The following KIAA0513 variants were observed in gnomAD, a reference collection of about 807,000 sequenced individuals.
The protein encoded by KIAA0513 is uncharacterized protein KIAA0513.
A neutral mutation model predicts 56.5 loss-of-function variants in KIAA0513; 39 were observed. The observed-to-expected ratio is 0.69, with a 90% CI of 0.53 to 0.90. KIAA0513 has a LOEUF of 0.90. Ranked by LOEUF, KIAA0513 falls within the 40% of genes least tolerant of loss-of-function variation. KIAA0513 has a pLI of 0.00. For synonymous variants in KIAA0513, 268 were observed against 215.6 expected (o/e 1.24, Z -2.13); for missense variants, 591 against 535.2 (o/e 1.10, Z -1.03).
At position 85,089,278 on chromosome 16, in the gene KIAA0513, T is replaced by C. The variant is rs893382156; in HGVS notation, c.*953T>C. 7.9e-5 allele frequency: 12 copies of C among 152,226 alleles called. No homozygotes were observed. The highest frequency in any genetic ancestry group is 2.9e-4 in the African/African-American group (12 of 41,402). The allele number at this position is 152,226 out of a possible 1,614,324, so 9.4% of individuals were successfully genotyped here. On this transcript the variant is annotated 3_prime_UTR_variant, in exon 13 of 13. Coordinates refer to ENST00000683363, the MANE Select transcript of KIAA0513 (RefSeq NM_001388359.1). The surrounding 1 kb of genome is among the most constrained non-coding windows in gnomAD (Gnocchi z 4.2). ...AAGGCAGGAAAGTCTGAGTTGGGAG[T>C]GACAGTGGCTGGAGAGAAGCAGATC...
chr16:85,048,050 T>G (rs2073195853), intron 1 of KIAA0513, among the ~76,000 whole-genome samples: 1 of 152,154 alleles, frequency 6.6e-6, no homozygotes, highest in South Asian at 2.1e-4. Context: ...AGAAGATGTG[T>G]TTTAAAGGCC....
chr16:85,079,129 C>A, intron 8 of KIAA0513, 126 bp downstream of exon 8: 2 of 1,525,856 alleles, frequency 1.3e-6, no homozygotes, highest in South Asian at 1.2e-5. Flanking sequence ...ACCAGAGTGG[C>A]AGAATAAAAA....
intron 1 of KIAA0513, among the ~76,000 whole-genome samples, chr16:85,041,905 C>T (rs2073108534): frequency 6.6e-6 from 1 of 152,204 alleles, no homozygotes; most frequent in South Asian, 2.1e-4. Context: ...CAGTGTCCCG[C>T]TCTTGAAACG....
At chr16:85,074,380 G>C (rs2073626482) in intron 4 of KIAA0513, among the ~76,000 whole-genome samples, 1 of 151,108 alleles carries the variant, frequency 6.6e-6, no homozygotes, top group Non-Finnish European at 1.5e-5. Flanking sequence ...ATTTAGTAGA[G>C]ATGAAGTCAT....
chr16:85,030,249 A>C (rs1328836062), intron 1 of KIAA0513, among the ~76,000 whole-genome samples: 1 of 152,136 alleles, frequency 6.6e-6, no homozygotes, highest in African/African-American at 2.4e-5. Flanking sequence ...CTGTGTTTCC[A>C]AATAGCCCAG....
At chr16:85,029,959 G>T (rs551737501) in intron 1 of KIAA0513, among the ~76,000 whole-genome samples, 3 of 152,340 alleles carry the variant, frequency 2.0e-5, no homozygotes, top group Admixed American at 6.5e-5. Flanking sequence ...GCACAGTGAA[G>T]TGTTTAACCC....
At chr16:85,059,700 G>A (rs16975175) in intron 1 of KIAA0513, among the ~76,000 whole-genome samples, 12,844 of 152,234 alleles carry the variant, frequency 0.084, 1,756 homozygotes, top group African/African-American at 0.28. Context: ...GGTATGAACT[G>A]CTCTGATAAT....
intron 10 of KIAA0513, among the ~76,000 whole-genome samples, chr16:85,083,675 C>T (rs773275244): frequency 6.6e-6 from 1 of 152,156 alleles, no homozygotes; most frequent in Non-Finnish European, 1.5e-5. Flanking sequence ...GCCTTCTCAC[C>T]GAGGCAGATT....
chr16:85,045,537 G>A (rs1433044127), intron 1 of KIAA0513, among the ~76,000 whole-genome samples: 3 of 152,250 alleles, frequency 2.0e-5, no homozygotes, highest in Non-Finnish European at 2.9e-5. Flanking sequence ...TGTATTTTTA[G>A]TAGAGATGGG....
At chr16:85,044,047 A>T (rs1159015424) in intron 1 of KIAA0513, among the ~76,000 whole-genome samples, 3 of 152,134 alleles carry the variant, frequency 2.0e-5, no homozygotes, top group Admixed American at 6.5e-5. Context: ...AAAAAAAGAG[A>T]AATGCCTTAC....
At chr16:85,061,059 A>C (rs1218417442) in intron 1 of KIAA0513, among the ~76,000 whole-genome samples, 1 of 151,846 alleles carries the variant, frequency 6.6e-6, no homozygotes, top group East Asian at 1.9e-4. Flanking sequence ...AGGCCGAGGC[A>C]GGAGAATTGC....
intron 4 of KIAA0513, among the ~76,000 whole-genome samples, chr16:85,073,910 C>T (rs901477588): frequency 6.6e-6 from 1 of 152,182 alleles, no homozygotes; most frequent in African/African-American, 2.4e-5. Flanking sequence ...CCTTTACTTC[C>T]TTGTCTCCCA....
At chr16:85,064,052 C>T (rs1388926622) in intron 1 of KIAA0513, among the ~76,000 whole-genome samples, 2 of 142,698 alleles carry the variant, frequency 1.4e-5, no homozygotes, top group Admixed American at 1.5e-4. Flanking sequence ...GTCGCCCAGG[C>T]TGGAGTGCAG....
chr16:85,082,660 G>T, intron 10 of KIAA0513, 67 bp downstream of exon 10: 5 of 1,517,360 alleles, frequency 3.3e-6, no homozygotes, highest in Non-Finnish European at 4.6e-6. Flanking sequence ...ACTGCAGGGT[G>T]GGGGCTGTGC....
Position 85,091,490 on chromosome 16 carries a change from A to G in KIAA0513, c.*3165A>G, listed in dbSNP as rs1199221290. On this transcript the variant is annotated 3_prime_UTR_variant, in exon 13 of 13. Coordinates refer to ENST00000683363, the MANE Select transcript of KIAA0513 (RefSeq NM_001388359.1). Reference sequence around the variant, plus strand: ...CCAAACAGCTCTGAAATTTCCAAAAAATGGCTAGAGGGAGAGTCCAGTTTC... The same window carrying G: ...CCAAACAGCTCTGAAATTTCCAAAAGATGGCTAGAGGGAGAGTCCAGTTTC... 1 of 152,176 alleles carries G rather than the reference A, an allele frequency of 6.6e-6. No individual in the cohort carries two copies. The highest frequency in any genetic ancestry group is 1.9e-4 in the East Asian group (1 of 5,194). 9.4% of individuals were successfully genotyped at this position (152,176 alleles called of 1,614,324 possible). A position where few individuals can be genotyped will look rare whatever the true frequency, so the allele number is the denominator to read the frequency against.
chr16:85,089,374 A>C lies in KIAA0513; in HGVS notation c.*1049A>C, dbSNP rs1285876861. 6.6e-6 allele frequency: 1 copy of C among 152,610 alleles called. No homozygotes were observed. Among genetic ancestry groups the C allele is most frequent in the African/African-American group, 2.4e-5 (1 of 41,438 alleles). The allele number at this position is 152,610 out of a possible 1,614,324, so 9.5% of individuals were successfully genotyped here. A position where few individuals can be genotyped will look rare whatever the true frequency, so the allele number is the denominator to read the frequency against. The stretch of plus-strand genomic sequence containing the variant: ...GCGCTGAGCATTGGGCCCCTTCCCC[A>C]CCAGACCTTTGTAGCTCCTCCAGCC... On this transcript the variant is annotated 3_prime_UTR_variant, in exon 13 of 13. Transcript: ENST00000683363. The surrounding 1 kb of genome is among the most constrained non-coding windows in gnomAD (Gnocchi z 4.2).
intron 4 of KIAA0513, 52 bp from the exon 5 acceptor site, chr16:85,075,792 G>A (rs2073647492): frequency 6.4e-7 from 1 of 1,553,608 alleles, no homozygotes; most frequent in Non-Finnish European, 8.9e-7. Flanking sequence ...CCGACTTGCA[G>A]GAAGAAGCAG....
At chr16:85,033,681 G>T (rs1436334556) in intron 1 of KIAA0513, among the ~76,000 whole-genome samples, 1 of 152,088 alleles carries the variant, frequency 6.6e-6, no homozygotes, top group East Asian at 1.9e-4. Flanking sequence ...GCAGGGATGG[G>T]GGAGGGTAGA....
At chr16:85,050,821 C>T (rs1345283707) in intron 1 of KIAA0513, among the ~76,000 whole-genome samples, 2 of 152,156 alleles carry the variant, frequency 1.3e-5, no homozygotes, top group Non-Finnish European at 2.9e-5. Flanking sequence ...GCCGTGTGCC[C>T]AGCACTTAGC....
Sources: allele counts gnomAD v4.1 joint callset (sites outside exome capture counted in the v4.1 genomes callset), GRCh38; gene constraint gnomAD v4.1.1; non-coding constraint Gnocchi (gnomAD v3.1); transcripts MANE v1.5; gene names NCBI Gene and HGNC (gene_info 2026-07-23, HGNC 2026-07-21).